Variants in PPP2R5A observed in about 807,000 individuals in gnomAD.
PPP2R5A encodes serine/threonine-protein phosphatase 2A 56 kDa regulatory subunit alpha isoform.
A neutral mutation model predicts 64.2 loss-of-function variants in PPP2R5A; 25 were observed. The observed-to-expected ratio is 0.39, with a 90% CI of 0.28 to 0.54. PPP2R5A has a LOEUF of 0.54. Among genes scored for constraint, PPP2R5A ranks in the 20% least tolerant of loss-of-function variants. The pLI, the probability that PPP2R5A is intolerant of heterozygous loss-of-function variation, is 0.67. For missense variants in PPP2R5A, 425 were observed against 576.3 expected, an observed-to-expected ratio of 0.74 and a Z score of 2.69; for synonymous variants, 198 against 201.2, an observed-to-expected ratio of 0.98 and a Z score of 0.13.
At chr1:212,325,202 A>G (rs1238991093) in intron 1 of PPP2R5A, among the ~76,000 whole-genome samples, 1 of 152,172 alleles carries the variant, frequency 6.6e-6, no homozygotes, top group Non-Finnish European at 1.5e-5. Context: ...TATAGGCCTA[A>G]AGATAATGGG....
At chr1:212,320,613 C>T (rs1249149200) in intron 1 of PPP2R5A, among the ~76,000 whole-genome samples, 7 of 148,178 alleles carry the variant, frequency 4.7e-5, no homozygotes, top group Admixed American at 2.0e-4. Context: ...GGCAGCTGGC[C>T]GGGCGGGGGG....
At chr1:212,343,742 TG>T (rs1409229244) in intron 4 of PPP2R5A, among the ~76,000 whole-genome samples, 5 of 152,232 alleles carry the variant, frequency 3.3e-5, no homozygotes, top group African/African-American at 1.2e-4. Context: ...GCAGCTCTTG[TG>T]TGGGATACAT....
At chr1:212,357,398 G>T in intron 11 of PPP2R5A, 114 bp downstream of exon 11, 1 of 978,040 alleles carries the variant, frequency 1.0e-6, no homozygotes, top group South Asian at 2.2e-5. Context: ...GTTACTCCAA[G>T]GTTAACATCA....
chr1:212,308,378 GT>G (rs143703705), intron 1 of PPP2R5A, among the ~76,000 whole-genome samples: 23,053 of 146,616 alleles, frequency 0.16, 2,421 homozygotes, highest in East Asian at 0.37. Context: ...CTTGTGTTAG[GT>G]TTATGTTACT....
Position 212,333,622 on chromosome 1 carries a change from G to A in PPP2R5A, c.480+24G>A, listed in dbSNP as rs201503609. The A allele has an allele frequency of 1.8e-5, 24 of 1,337,592 alleles. No individual in the cohort carries two copies. The East Asian group carries it at 5.6e-4, about 31-fold the overall frequency. The allele number at this position is 1,337,592 out of a possible 1,614,324, so 82.9% of individuals were successfully genotyped here. On this transcript the variant is annotated intron_variant, in intron 3 of 12. Coordinates refer to ENST00000261461, the MANE Select transcript of PPP2R5A (RefSeq NM_006243.4). ...AGGTATGGAACATAATTACGTATTG[G>A]CAGTTTTTATATTTATGCTATTCTG...
At position 212,361,511 on chromosome 1, in the gene PPP2R5A, A is replaced by G. The variant is rs889610390; in HGVS notation, c.*741A>G. ...CAATTCATTCCTCCTCTTCCTCTCA[A>G]AGGCTGAAGGCAGGGCCTTTCCAGT... is the stretch of plus-strand genomic sequence containing the variant. On this transcript the variant is annotated 3_prime_UTR_variant, in exon 13 of 13. Coordinates refer to ENST00000261461, the MANE Select transcript of PPP2R5A (RefSeq NM_006243.4). The G allele has an allele frequency of 6.6e-6, 1 of 152,634 alleles. No individual in the cohort carries two copies. The highest frequency in any genetic ancestry group is 2.4e-5 in the African/African-American group (1 of 41,432). The allele number at this position is 152,634 out of a possible 1,614,324, so 9.5% of individuals were successfully genotyped here.
At position 212,360,965 on chromosome 1, in the gene PPP2R5A, T is replaced by C; in HGVS notation, c.*195T>C. 2.6e-6 allele frequency: 1 copy of C among 377,772 alleles called. No homozygotes were observed. The highest frequency in any genetic ancestry group is 1.3e-4 in the South Asian group (1 of 7,468). 23.4% of individuals were successfully genotyped at this position (377,772 alleles called of 1,614,324 possible). ...TGGCCATAGTATATTGTAACCTTTG[T>C]CTAATCATTGGATTTATTGTGTCAC... is the stretch of plus-strand genomic sequence containing the variant. On this transcript the variant is annotated 3_prime_UTR_variant, in exon 13 of 13. Transcript: ENST00000261461.
intron 8 of PPP2R5A, among the ~76,000 whole-genome samples, chr1:212,354,710 A>G (rs1418538339): frequency 1.5e-5 from 2 of 132,170 alleles, no homozygotes; most frequent in East Asian, 2.2e-4. Flanking sequence ...CCTCATCAAA[A>G]AGAGAGAGAA....
At chr1:212,328,339 G>T (rs1199217333) in intron 1 of PPP2R5A, among the ~76,000 whole-genome samples, 1 of 152,118 alleles carries the variant, frequency 6.6e-6, no homozygotes, top group African/African-American at 2.4e-5. Flanking sequence ...TAAAAAAAAA[G>T]AAGGGACTTA....
chr1:212,311,773 T>C (rs930370561), intron 1 of PPP2R5A, among the ~76,000 whole-genome samples: 1 of 152,032 alleles, frequency 6.6e-6, no homozygotes, highest in East Asian at 1.9e-4. Flanking sequence ...GTCTGAAAAA[T>C]AGAAAAAAGC....
rs931186719 is a variant in PPP2R5A, at chr1:212,285,980, C to G, written c.-131C>G. ...GAGAAGCTCGGCGGCGTCCCGGGGC[C>G]GGAGGGCCGTGGGGCCGGGGCGCAG... On this transcript the variant is annotated 5_prime_UTR_variant, in exon 1 of 13. Transcript: ENST00000261461. The G allele has an allele frequency of 5.4e-6, 5 of 933,292 alleles. No homozygotes were observed. The highest frequency in any genetic ancestry group is 7.2e-6 in the Non-Finnish European group (5 of 695,682). 57.8% of individuals were successfully genotyped at this position (933,292 alleles called of 1,614,324 possible). A position where few individuals can be genotyped will look rare whatever the true frequency, so the allele number is the denominator to read the frequency against.
intron 4 of PPP2R5A, among the ~76,000 whole-genome samples, chr1:212,343,800 C>A (rs935500042): frequency 6.6e-6 from 1 of 152,068 alleles, no homozygotes; most frequent in East Asian, 1.9e-4. Context: ...AATACAGTAA[C>A]AGGTTGAGGG....
At chr1:212,346,040 C>CTCAAA in intron 5 of PPP2R5A, 107 bp downstream of exon 5, 1 of 1,155,364 alleles carries the variant, frequency 8.7e-7, no homozygotes, top group Non-Finnish European at 1.2e-6. Flanking sequence ...CTCACTCTGT[C>CTCAAA]ATCCAGGCTG....
Position 212,340,290 on chromosome 1 carries a change from C to T in PPP2R5A, c.481-1898C>T, listed in dbSNP as rs111496069. Among the ~76,000 whole-genome samples, 273 of 152,210 alleles carry T rather than the reference C, an allele frequency of 1.8e-3. 3 individuals carry two copies. The highest frequency in any genetic ancestry group is 6.3e-3 in the African/African-American group (262 of 41,548). ...ATATCCTCCTTAAAGCTTTTCCTAC[C>T]TATTCCACAGTGATACAGCCCTTTT... On this transcript the variant is annotated intron_variant, in intron 3 of 12. Coordinates refer to ENST00000261461, the MANE Select transcript of PPP2R5A (RefSeq NM_006243.4).
At chr1:212,291,719 C>T (rs1187641881) in intron 1 of PPP2R5A, among the ~76,000 whole-genome samples, 2 of 152,166 alleles carry the variant, frequency 1.3e-5, no homozygotes, top group African/African-American at 4.8e-5. Flanking sequence ...TAGCTGCTTT[C>T]CTGAAGGGGA....
intron 9 of PPP2R5A, 71 bp from the exon 10 acceptor site, chr1:212,356,879 C>T (rs1475150029): frequency 3.6e-6 from 5 of 1,371,836 alleles, no homozygotes; most frequent in Non-Finnish European, 4.9e-6. Flanking sequence ...TTAACCTTCT[C>T]ATTTGTATGG....
intron 1 of PPP2R5A, among the ~76,000 whole-genome samples, chr1:212,312,975 C>A (rs1389251556): frequency 6.6e-6 from 1 of 152,200 alleles, no homozygotes; most frequent in Non-Finnish European, 1.5e-5. Flanking sequence ...ATCACTTCAA[C>A]ATAAATAGAG....
At chr1:212,297,233 TGCCTCA>T (rs1325369492) in intron 1 of PPP2R5A, among the ~76,000 whole-genome samples, 19 of 150,680 alleles carry the variant, frequency 1.3e-4, no homozygotes, top group African/African-American at 4.4e-4. Flanking sequence ...GTGATTCTCC[TGCCTCA>T]GCCTCCCGAG....
intron 1 of PPP2R5A, among the ~76,000 whole-genome samples, chr1:212,307,084 G>A (rs1456633316): frequency 1.3e-5 from 2 of 152,122 alleles, no homozygotes; most frequent in African/African-American, 2.4e-5. Context: ...ACTTAATGTA[G>A]TTGTTCATAT....
Sources: gnomAD v4.1 joint callset for allele counts (sites outside exome capture counted in the v4.1 genomes callset) on GRCh38, gnomAD v4.1.1 for gene constraint, MANE v1.5 for transcripts, NCBI Gene and HGNC (gene_info 2026-07-23, HGNC 2026-07-21) for gene names.